TTC6: variants seen among roughly 807,000 people sequenced by gnomAD.
TTC6 encodes the protein tetratricopeptide repeat domain 6, also known as tetratricopeptide repeat protein 6.
A neutral mutation model predicts 210.4 loss-of-function variants in TTC6; 172 were observed. The observed-to-expected ratio is 0.82, with a 90% CI of 0.72 to 0.93. The LOEUF (loss-of-function observed/expected upper bound fraction) is 0.93. TTC6 is among the 40% of genes least tolerant of loss of function. The pLI is 0.00. For synonymous variants in TTC6, 804 were observed against 819.6 expected (o/e 0.98, Z 0.32); for missense variants, 2,414 against 2,318.1 (o/e 1.04, Z -0.85).
chr14:37,690,405 A>C (rs1238165456), intron 3 of TTC6, among the ~76,000 whole-genome samples: 5 of 152,124 alleles, frequency 3.3e-5, no homozygotes, highest in African/African-American at 1.2e-4. Flanking sequence ...TGAATGGACT[A>C]AACTCTCCAA....
chr14:37,760,962 G>A (rs1279065813), intron 14 of TTC6, among the ~76,000 whole-genome samples: 2 of 152,136 alleles, frequency 1.3e-5, no homozygotes, highest in Non-Finnish European at 2.9e-5. Context: ...CCATGGGAGT[G>A]GGACCCACTG....
At position 37,790,746 on chromosome 14, in the gene TTC6, GGTT is replaced by G. The variant is rs1439326645; in HGVS notation, c.3470_3472del (p.Cys1157del). 7 of 1,534,012 alleles carry G rather than the reference GGTT, an allele frequency of 4.6e-6. No individual in the cohort carries two copies. The African/African-American group carries it at 9.6e-5, about 21-fold the overall frequency. ...CATAAATGATGGCTATGAGAATCTT[GGTT>G]GTTTTCTACATCGGGGAATAGTCTA... On this transcript the variant is annotated inframe_deletion, in exon 16 of 31. Transcript: ENST00000553443.
At chr14:37,691,336 A>AAACC (rs1193324102) in intron 3 of TTC6, among the ~76,000 whole-genome samples, 1 of 152,196 alleles carries the variant, frequency 6.6e-6, no homozygotes, top group African/African-American at 2.4e-5. Flanking sequence ...TCAAACAAAC[A>AAACC]AACAAACAAC....
chr14:37,634,291 A>G (rs2095675710), intron 1 of TTC6, among the ~76,000 whole-genome samples: 1 of 152,188 alleles, frequency 6.6e-6, no homozygotes, highest in African/African-American at 2.4e-5. Flanking sequence ...AAAAAAATCA[A>G]AGAAGAACCA....
At chr14:37,741,689 T>C (rs2138967286) in intron 10 of TTC6, among the ~76,000 whole-genome samples, 1 of 152,296 alleles carries the variant, frequency 6.6e-6, no homozygotes, top group Middle Eastern at 3.4e-3. Flanking sequence ...TTGGCTGGCC[T>C]CCCTTAATGG....
intron 25 of TTC6, among the ~76,000 whole-genome samples, chr14:37,816,459 G>C (rs2096142129): frequency 6.6e-6 from 1 of 152,116 alleles, no homozygotes; most frequent in African/African-American, 2.4e-5. Context: ...CTGCTGTCTG[G>C]CTTCCAGGAA....
At chr14:37,823,803 C>G (rs1439799974) in exon 27 of TTC6, 1 of 1,613,844 alleles carries the variant, frequency 6.2e-7, no homozygotes, top group Admixed American at 1.7e-5. Context: ...AAAATTAACC[C>G]ATGTTTTCTG....
intron 5 of TTC6, among the ~76,000 whole-genome samples, chr14:37,703,987 A>T (rs2138695896): frequency 6.6e-6 from 1 of 152,260 alleles, no homozygotes; most frequent in East Asian, 1.9e-4. Flanking sequence ...TCTCTTGTAT[A>T]TGTATGTGTT....
intron 23 of TTC6, 93 bp downstream of exon 25, chr14:37,807,553 G>A: frequency 1.8e-6 from 2 of 1,129,990 alleles, no homozygotes; most frequent in Non-Finnish European, 2.3e-6. Context: ...TTTCTATGTG[G>A]TTGGGAATCA....
intron 14 of TTC6, among the ~76,000 whole-genome samples, chr14:37,785,122 G>A (rs1423943905): frequency 6.6e-6 from 1 of 152,120 alleles, no homozygotes; most frequent in African/African-American, 2.4e-5. Flanking sequence ...TTCTCAAGGG[G>A]TATCTTTGTG....
chr14:37,713,161 A>AC (rs747678537), intron 5 of TTC6, among the ~76,000 whole-genome samples: 42 of 152,284 alleles, frequency 2.8e-4, no homozygotes, highest in Non-Finnish European at 2.1e-4. Context: ...CAAAAAACAA[A>AC]CCAGTAAAAA....
intron 14 of TTC6, 104 bp from the exon 17 acceptor site, chr14:37,787,364 C>A: frequency 2.4e-6 from 2 of 850,468 alleles, no homozygotes; most frequent in Non-Finnish European, 3.4e-6. Flanking sequence ...CAAGGAGAAA[C>A]ATTTACAAAT....
At chr14:37,600,107 CAA>C (rs2095612800) in intron 1 of TTC6, among the ~76,000 whole-genome samples, 1 of 152,154 alleles carries the variant, frequency 6.6e-6, no homozygotes, top group South Asian at 2.1e-4. Context: ...ACGCTTCACA[CAA>C]AGAGGTGGAA....
At chr14:37,790,648 G>A in intron 15 of TTC6, 69 bp from the exon 18 acceptor site, 1 of 1,302,300 alleles carries the variant, frequency 7.7e-7, no homozygotes, top group South Asian at 1.3e-5. Flanking sequence ...GAAGTTTACA[G>A]ACTAAAGTAT....
rs549038168 is a variant in TTC6, at chr14:37,599,734, G to C, written c.-235+3726G>C. Reference sequence around the variant, plus strand: ...TATTCAAATGAGAAAGACTGAGAAGGGCGATTTCCCCTGCTGGGCAGTCGA... The same window carrying C: ...TATTCAAATGAGAAAGACTGAGAAGCGCGATTTCCCCTGCTGGGCAGTCGA... On this transcript the variant is annotated intron_variant, in intron 1 of 2. Transcript: ENST00000556845. Among the ~76,000 whole-genome samples the C allele has an allele frequency of 2.5e-3, 382 of 152,324 alleles. 1 individual carries two copies. The highest frequency in any genetic ancestry group is 4.3e-3 in the Non-Finnish European group (295 of 68,028).
chr14:37,626,415 G>A (rs556105870), intron 1 of TTC6, among the ~76,000 whole-genome samples: 1 of 152,020 alleles, frequency 6.6e-6, no homozygotes, highest in East Asian at 1.9e-4. Context: ...CATAGTCCAA[G>A]GTCTCCCATA....
intron 2 of TTC6, among the ~76,000 whole-genome samples, chr14:37,607,321 T>C (rs777557929): frequency 4.6e-5 from 7 of 152,182 alleles, no homozygotes; most frequent in Non-Finnish European, 7.3e-5. Flanking sequence ...GCATCTTTGG[T>C]TCCTCATCTC....
chr14:37,822,253 A>T (rs533384806), intron 26 of TTC6, among the ~76,000 whole-genome samples: 1 of 152,364 alleles, frequency 6.6e-6, no homozygotes, highest in Non-Finnish European at 1.5e-5. Context: ...AAATAAATAT[A>T]GTTAAGTAAA....
At chr14:37,659,026 G>T (rs1271594809) in intron 1 of TTC6, among the ~76,000 whole-genome samples, 2 of 151,974 alleles carry the variant, frequency 1.3e-5, no homozygotes, top group East Asian at 3.9e-4. Context: ...GAGAATATGT[G>T]GTATTTGTTT....
Sources: gnomAD v4.1 joint callset for allele counts (sites outside exome capture counted in the v4.1 genomes callset) on GRCh38, gnomAD v4.1.1 for gene constraint, MANE v1.5 for transcripts, NCBI Gene and HGNC (gene_info 2026-07-23, HGNC 2026-07-21) for gene names.